ZDHHC14: variants seen among roughly 807,000 people sequenced by gnomAD.
ZDHHC14 encodes the protein palmitoyltransferase ZDHHC14.
Under a neutral mutation model 47.7 loss-of-function variants are expected in ZDHHC14, and 16 were observed. That is an observed-to-expected ratio of 0.34 (90% CI 0.23 to 0.51). The LOEUF (loss-of-function observed/expected upper bound fraction) is 0.51, where lower values mean the gene tolerates loss of function less well. Among genes scored for constraint, ZDHHC14 ranks in the 20% least tolerant of loss-of-function variants. The probability of loss-of-function intolerance (pLI) is 0.97; values close to 1 mark genes in which losing one functional copy is unlikely to be tolerated. For missense variants in ZDHHC14, 515 were observed against 662.5 expected (o/e 0.78, Z 2.44); for synonymous variants, 293 against 278.9 (o/e 1.05, Z -0.50).
At chr6:157,671,597 A>T (rs568176695) in intron 8 of ZDHHC14, among the ~76,000 whole-genome samples, 92 of 152,306 alleles carry the variant, frequency 6.0e-4, no homozygotes, top group Non-Finnish European at 1.1e-3. Flanking sequence ...CGGAGCTATC[A>T]GGGGTGCCTG....
At chr6:157,388,469 T>A (rs1442601744) in intron 1 of ZDHHC14, among the ~76,000 whole-genome samples, 1 of 152,154 alleles carries the variant, frequency 6.6e-6, no homozygotes, top group Non-Finnish European at 1.5e-5. Flanking sequence ...AAATTTAAAT[T>A]AAGAGTTGCA....
chr6:157,466,196 G>C (rs1480801968), intron 1 of ZDHHC14, among the ~76,000 whole-genome samples: 5 of 152,192 alleles, frequency 3.3e-5, no homozygotes, highest in Non-Finnish European at 1.5e-5. Flanking sequence ...GGCCCCTGTG[G>C]CTTGCTGTGA....
chr6:157,549,022 A>G (rs1312523700), intron 2 of ZDHHC14, among the ~76,000 whole-genome samples: 2 of 152,118 alleles, frequency 1.3e-5, no homozygotes, highest in Non-Finnish European at 2.9e-5. Flanking sequence ...AGTGCTTGGG[A>G]GGAAAGGGGT....
chr6:157,405,968 T>G (rs1352989878), intron 1 of ZDHHC14, among the ~76,000 whole-genome samples: 1 of 152,158 alleles, frequency 6.6e-6, no homozygotes, highest in Non-Finnish European at 1.5e-5. Context: ...TGCTCGGACC[T>G]CCCCAATTTT....
intron 1 of ZDHHC14, among the ~76,000 whole-genome samples, chr6:157,481,409 G>C (rs764273498): frequency 4.7e-4 from 69 of 147,790 alleles, no homozygotes; most frequent in Non-Finnish European, 9.4e-4. Flanking sequence ...GTACAGTGAG[G>C]TGATGCGACT....
intron 1 of ZDHHC14, among the ~76,000 whole-genome samples, chr6:157,454,934 G>A (rs1037793161): frequency 6.6e-6 from 1 of 152,214 alleles, no homozygotes; most frequent in Non-Finnish European, 1.5e-5. Context: ...CCTTTTGTGA[G>A]TGCCTCTGAC....
At chr6:157,424,683 C>T (rs1265490572) in intron 1 of ZDHHC14, among the ~76,000 whole-genome samples, 1 of 152,186 alleles carries the variant, frequency 6.6e-6, no homozygotes, top group African/African-American at 2.4e-5. Flanking sequence ...ATTTTAGTAA[C>T]ATGGGGATAA....
chr6:157,419,640 C>T (rs1355109048), intron 1 of ZDHHC14, among the ~76,000 whole-genome samples: 1 of 152,186 alleles, frequency 6.6e-6, no homozygotes, highest in East Asian at 1.9e-4. Context: ...GGCTTGATAG[C>T]TCATTTCTTT....
intron 1 of ZDHHC14, among the ~76,000 whole-genome samples, chr6:157,451,035 T>C (rs1003007393): frequency 1.4e-4 from 22 of 151,788 alleles, no homozygotes; most frequent in African/African-American, 4.8e-4. Context: ...TGTGTGTCTG[T>C]GGAGGCTGAT....
At chr6:157,486,397 C>T (rs1294175294) in intron 1 of ZDHHC14, among the ~76,000 whole-genome samples, 2 of 152,224 alleles carry the variant, frequency 1.3e-5, no homozygotes, top group African/African-American at 4.8e-5. Context: ...CACCTCTTCA[C>T]ATAAAATGAA....
chr6:157,482,692 G>T (rs150432383), intron 1 of ZDHHC14, among the ~76,000 whole-genome samples: 1,896 of 151,882 alleles, frequency 0.012, 21 homozygotes, highest in South Asian at 0.027. Context: ...ACATTTCGCT[G>T]TCTTCTCGAG....
intron 1 of ZDHHC14, among the ~76,000 whole-genome samples, chr6:157,517,766 G>A (rs906649982): frequency 2.5e-4 from 38 of 152,210 alleles, no homozygotes; most frequent in African/African-American, 8.2e-4. Context: ...CCTCACGGCC[G>A]CCTACCATCT....
rs1333795752 is a variant in ZDHHC14, at chr6:157,677,254, A to C, written c.*4132A>C. The C allele has an allele frequency of 2.6e-5, 4 of 151,658 alleles. No homozygotes were observed. Among genetic ancestry groups the C allele is most frequent in the African/African-American group, 9.7e-5 (4 of 41,280 alleles). The allele number at this position is 151,658 out of a possible 1,614,324, so 9.4% of individuals were successfully genotyped here. The stretch of plus-strand genomic sequence containing the variant: ...GGTACCTCATTTAAAAAAAAAAAAA[A>C]AAAAAAACTGCCTCTCATTTGTTCC... On this transcript the variant is annotated 3_prime_UTR_variant, in exon 9 of 9. Transcript: ENST00000359775.
intron 1 of ZDHHC14, among the ~76,000 whole-genome samples, chr6:157,467,671 T>A (rs928551373): frequency 1.3e-5 from 2 of 152,024 alleles, no homozygotes; most frequent in African/African-American, 4.8e-5. Flanking sequence ...TGCCTCAGAC[T>A]CGCAAGTAGC....
At chr6:157,587,712 T>C (rs1173313771) in intron 2 of ZDHHC14, among the ~76,000 whole-genome samples, 1 of 152,204 alleles carries the variant, frequency 6.6e-6, no homozygotes, top group Non-Finnish European at 1.5e-5. Flanking sequence ...CATGAATAAT[T>C]CATGGCCAGT....
At chr6:157,656,806 C>T (rs1162757420) in intron 8 of ZDHHC14, among the ~76,000 whole-genome samples, 2 of 151,954 alleles carry the variant, frequency 1.3e-5, no homozygotes, top group East Asian at 3.9e-4. Context: ...GAAAGAGCTG[C>T]ATGCGACATC....
chr6:157,653,502 CTG>C (rs1415857546), intron 7 of ZDHHC14, 21 bp from the exon 8 acceptor site: 1 of 1,611,958 alleles, frequency 6.2e-7, no homozygotes, highest in South Asian at 1.1e-5. Flanking sequence ...TCTCTTCCTG[CTG>C]TGTTTTCTTT....
intron 7 of ZDHHC14, among the ~76,000 whole-genome samples, chr6:157,651,218 C>T (rs1165511119): frequency 2.6e-5 from 4 of 152,208 alleles, no homozygotes; most frequent in South Asian, 2.1e-4. Context: ...GGGTTGTACC[C>T]GCCCCGAGGC....
chr6:157,647,437 G>T lies in ZDHHC14; in HGVS notation c.965+69G>T, dbSNP rs138443903. The T allele has an allele frequency of 1.9e-3, 2,477 of 1,274,480 alleles. 39 individuals carry two copies. In the African/African-American group the frequency reaches 0.033, roughly 17 times the overall value. The allele number at this position is 1,274,480 out of a possible 1,614,324, so 78.9% of individuals were successfully genotyped here. A position where few individuals can be genotyped will look rare whatever the true frequency, so the allele number is the denominator to read the frequency against. ...ACCGAATGCCTCGGCCGTTAGCACA[G>T]GCCGCCCGCCCTGGTGGAATGGGTC... On this transcript the variant is annotated intron_variant, in intron 7 of 8. Transcript: ENST00000359775.
Sources: allele counts gnomAD v4.1 joint callset (sites outside exome capture counted in the v4.1 genomes callset), GRCh38; gene constraint gnomAD v4.1.1; transcripts MANE v1.5; gene names NCBI Gene and HGNC (gene_info 2026-07-23, HGNC 2026-07-21).